Variants in CFAP20DC observed in about 807,000 individuals in gnomAD.
The protein encoded by CFAP20DC is protein CFAP20DC.
In CFAP20DC, 84 loss-of-function variants were observed where a neutral mutation model predicts 101.7. That is an observed-to-expected ratio of 0.83 (90% CI 0.69 to 0.99). The LOEUF is 0.99. Ranked by LOEUF, CFAP20DC falls within the 50% of genes least tolerant of loss-of-function variation. The pLI is 0.00. For missense variants in CFAP20DC, 1,007 were observed against 970.3 expected (o/e 1.04, Z -0.50); for synonymous variants, 359 against 351.2 (o/e 1.02, Z -0.25).
At chr3:58,947,895 G>A (rs1023058330) in intron 4 of CFAP20DC, among the ~76,000 whole-genome samples, 1 of 152,234 alleles carries the variant, frequency 6.6e-6, no homozygotes, top group African/African-American at 2.4e-5. Flanking sequence ...CTGAAGACAT[G>A]TACAGAACAG....
At chr3:58,809,992 G>A (rs1260893992) in intron 14 of CFAP20DC, among the ~76,000 whole-genome samples, 4 of 152,052 alleles carry the variant, frequency 2.6e-5, no homozygotes, top group South Asian at 2.1e-4. Flanking sequence ...ACCATCCCAC[G>A]ACTAAACCAG....
At position 58,795,558 on chromosome 3, in the gene CFAP20DC, G is replaced by A. The variant is rs9812844; in HGVS notation, c.2237+10837C>T. On this transcript the variant is annotated intron_variant, in intron 15 of 16. Coordinates refer to ENST00000482387, the MANE Select transcript of CFAP20DC (RefSeq NM_001394063.1). The surrounding 1 kb of genome is among the most constrained non-coding windows in gnomAD (Gnocchi z 4.2). ...GAGAGTTACCTGAGCCCGGGAGGCCGAGGCTGCAATGAGCCATGATTGTGC... is the reference window on the plus strand; with the variant it reads ...GAGAGTTACCTGAGCCCGGGAGGCCAAGGCTGCAATGAGCCATGATTGTGC... 9.9e-3 allele frequency among the ~76,000 whole-genome samples: 1,509 copies of A among 152,328 alleles called. 22 individuals are homozygous for A. Among genetic ancestry groups the A allele is most frequent in the African/African-American group, 0.035 (1,458 of 41,574 alleles).
downstream of CFAP20DC, among the ~76,000 whole-genome samples, chr3:58,740,378 C>G (rs1422996634): frequency 2.0e-5 from 3 of 152,124 alleles, no homozygotes; most frequent in Non-Finnish European, 4.4e-5. This position sits in a 1 kb window ranked among gnomAD's most constrained non-coding sequence, Gnocchi z 4.6. Context: ...TCCTACCATC[C>G]TCTTGCTCCT....
chr3:59,006,052 T>A lies in CFAP20DC; in HGVS notation c.278+33505A>T, dbSNP rs1193755814. Among the ~76,000 whole-genome samples, 1 of 152,206 alleles carries A rather than the reference T, an allele frequency of 6.6e-6. No individual in the cohort carries two copies. Among genetic ancestry groups the A allele is most frequent in the Non-Finnish European group, 1.5e-5 (1 of 68,036 alleles). ...CTCCTCAATGAAAAGTACTTTTAAA[T>A]ATCCCTACATTTATATGTGTTTTTA... is the stretch of plus-strand genomic sequence containing the variant. On this transcript the variant is annotated intron_variant, in intron 4 of 16. Transcript: ENST00000482387. The surrounding 1 kb of genome is among the most constrained non-coding windows in gnomAD (Gnocchi z 4.3).
intron 14 of CFAP20DC, among the ~76,000 whole-genome samples, chr3:58,818,700 T>C (rs1327371458): frequency 4.9e-5 from 6 of 123,308 alleles, no homozygotes; most frequent in South Asian, 3.2e-4. Flanking sequence ...TGGGAGACTT[T>C]AACACCCCAC....
intron 4 of CFAP20DC, among the ~76,000 whole-genome samples, chr3:58,968,554 G>C (rs1207744769): frequency 2.0e-5 from 3 of 151,760 alleles, no homozygotes; most frequent in Admixed American, 2.0e-4. Flanking sequence ...CACTTTAATG[G>C]GGTTGTTTTT....
At chr3:58,986,633 AT>A (rs1271297174) in intron 4 of CFAP20DC, among the ~76,000 whole-genome samples, 1 of 152,216 alleles carries the variant, frequency 6.6e-6, no homozygotes, top group African/African-American at 2.4e-5. Context: ...AGACCAAACC[AT>A]GTACATGACC....
chr3:58,813,803 C>T (rs150107402), intron 14 of CFAP20DC, among the ~76,000 whole-genome samples: 1 of 151,888 alleles, frequency 6.6e-6, no homozygotes, highest in Non-Finnish European at 1.5e-5. Flanking sequence ...GGTAATTGAA[C>T]CAATATCAAT....
intron 13 of CFAP20DC, among the ~76,000 whole-genome samples, chr3:58,844,712 T>C (rs371270875): frequency 3.1e-5 from 4 of 130,000 alleles, no homozygotes; most frequent in Non-Finnish European, 6.1e-5. Context: ...AATATACATT[T>C]TTTTCAGCAC....
At chr3:58,962,420 G>A (rs185555556) in intron 4 of CFAP20DC, among the ~76,000 whole-genome samples, 110 of 152,112 alleles carry the variant, frequency 7.2e-4, no homozygotes, top group African/African-American at 2.5e-3. Context: ...ATTGAAACTC[G>A]TTTCATGGCC....
rs565071273 is a variant in CFAP20DC, at chr3:58,932,914, G to C, written c.393+4734C>G. ...CATCATAATGACAGGATCAAATTCA[G>C]ACATAACAATATCAACTTTAAATGT... On this transcript the variant is annotated intron_variant, in intron 5 of 16. Coordinates refer to ENST00000482387, the MANE Select transcript of CFAP20DC (RefSeq NM_001394063.1). Among the ~76,000 whole-genome samples, 90 of 152,184 alleles carry C rather than the reference G, an allele frequency of 5.9e-4. 1 individual carries two copies. Among genetic ancestry groups the C allele is most frequent in the African/African-American group, 1.9e-3 (80 of 41,528 alleles).
At chr3:58,860,865 G>A (rs2079190813) in intron 12 of CFAP20DC, among the ~76,000 whole-genome samples, 3 of 152,078 alleles carry the variant, frequency 2.0e-5, no homozygotes, top group African/African-American at 7.2e-5. Context: ...TGATTTTATA[G>A]CTCACTAGGA....
In CFAP20DC at chr3:58,753,604, G is replaced by T. The variant is rs144457730; in HGVS notation, c.2332+165C>A. 4.6e-3 allele frequency: 2,643 copies of T among 578,680 alleles called. 9 individuals are homozygous for T. The highest frequency in any genetic ancestry group is 5.1e-3 in the Non-Finnish European group (1,665 of 327,702). The allele number at this position is 578,680 out of a possible 1,614,324, so 35.8% of individuals were successfully genotyped here. ...CTCTCATCTTCTTTTTAGTTGTAAA[G>T]AACCCATTATTCTAAAAAATGAGGC... On this transcript the variant is annotated intron_variant, in intron 16 of 16. Transcript: ENST00000482387.
intron 3 of CFAP20DC, chr3:58,727,614 T>C (rs953688840): frequency 6.6e-6 from 1 of 152,198 alleles, no homozygotes; most frequent in African/African-American, 2.4e-5. Flanking sequence ...TTTTTGTATT[T>C]TTTCAGTAGA....
Position 58,975,136 on chromosome 3 carries a change from CT to C in CFAP20DC, c.279-37375del, listed in dbSNP as rs34432729. Among the ~76,000 whole-genome samples the C allele has an allele frequency of 2.9e-4, 44 of 151,080 alleles. 1 individual carries two copies. The South Asian group carries it at 7.4e-3, about 25-fold the overall frequency. ...TCCTTATCACAGGGATTTGCACAAGCTTTTTTTTTCAGCGGGTACACTATGC... is the reference window on the plus strand; with the variant it reads ...TCCTTATCACAGGGATTTGCACAAGCTTTTTTTTCAGCGGGTACACTATGC... On this transcript the variant is annotated intron_variant, in intron 4 of 16. Coordinates refer to ENST00000482387, the MANE Select transcript of CFAP20DC (RefSeq NM_001394063.1).
chr3:58,817,860 G>A (rs1189721229), intron 14 of CFAP20DC, among the ~76,000 whole-genome samples: 2 of 151,542 alleles, frequency 1.3e-5, no homozygotes, highest in Non-Finnish European at 3.0e-5. Flanking sequence ...AAGTTGAAAT[G>A]AAGGAAAAAA....
chr3:58,787,029 G>A (rs186880690), intron 15 of CFAP20DC, among the ~76,000 whole-genome samples: 2 of 151,654 alleles, frequency 1.3e-5, no homozygotes, highest in African/African-American at 4.8e-5. Context: ...TGTAGATAAG[G>A]GGGGGCATTA....
intron 15 of CFAP20DC, among the ~76,000 whole-genome samples, chr3:58,758,490 G>C (rs1396623916): frequency 6.6e-6 from 1 of 151,878 alleles, no homozygotes; most frequent in African/African-American, 2.4e-5. Context: ...TTGCCCCTTG[G>C]ACTTGATACT....
chr3:58,869,451 G>A lies in CFAP20DC; in HGVS notation c.892C>T (p.Gln298Ter). 4 of 1,612,784 alleles carry A rather than the reference G, an allele frequency of 2.5e-6. No homozygotes were observed. Among genetic ancestry groups the A allele is most frequent in the African/African-American group, 1.3e-5 (1 of 75,000 alleles). Residue 298 changes from glutamine to a stop codon, truncating the protein, a stop_gained, in exon 9 of 17, where the codon CAG becomes TAG. Transcript: ENST00000482387. LOFTEE classifies it high-confidence loss of function. The surrounding 1 kb of genome is among the most constrained non-coding windows in gnomAD (Gnocchi z 4.3). ...ACACACTTCTCTACAGTGGACGGCT[G>A]GCATGATCGGTTATTTTTGGACCCA... ...SVGSKNNRSC[Q>*]PSTVEKCVNG...
Sources: gnomAD v4.1 joint callset for allele counts (sites outside exome capture counted in the v4.1 genomes callset) on GRCh38, gnomAD v4.1.1 for gene constraint, Gnocchi (gnomAD v3.1) non-coding constraint, MANE v1.5 for transcripts, NCBI Gene and HGNC (gene_info 2026-07-23, HGNC 2026-07-21) for gene names.